Variants in ANXA8 observed in about 807,000 individuals in gnomAD.
The protein encoded by ANXA8 is annexin A8.
ANXA8 carries 9 observed loss-of-function variants against 26.8 expected under a neutral mutation model. That is an observed-to-expected ratio of 0.34 (90% CI 0.20 to 0.59). The LOEUF (loss-of-function observed/expected upper bound fraction) is 0.59. ANXA8 is among the 20% of genes least tolerant of loss of function. The probability of loss-of-function intolerance (pLI) is 0.84; values close to 1 mark genes in which losing one functional copy is unlikely to be tolerated. For synonymous variants in ANXA8, 39 were observed against 94.8 expected (o/e 0.41, Z 3.42); for missense variants, 83 against 238.5 (o/e 0.35, Z 4.29).
At chr10:47,590,238 G>A in the ANXA8 span, 4 of 146,582 alleles carry the variant, frequency 2.7e-5, no homozygotes, top group Middle Eastern at 3.4e-3. Flanking sequence ...CAAGGGTGAA[G>A]TGCCAATCCT....
the ANXA8 span, among the ~76,000 whole-genome samples, chr10:47,704,689 A>T: frequency 1.5e-4 from 23 of 152,074 alleles, 1 homozygote; most frequent in Admixed American, 1.5e-3. Context: ...TTAGCAAAGT[A>T]GCTGGATATA....
At chr10:47,510,816 T>A in the ANXA8 span, among the ~76,000 whole-genome samples, 3 of 75,658 alleles carry the variant, frequency 4.0e-5, no homozygotes, top group African/African-American at 1.4e-4. Flanking sequence ...GGAGACAAAG[T>A]GAGACTCCGT....
chr10:47,490,625 C>G, the ANXA8 span, among the ~76,000 whole-genome samples: 8 of 150,402 alleles, frequency 5.3e-5, no homozygotes, highest in Non-Finnish European at 7.4e-5. Context: ...GCAAGCCCTG[C>G]CTCAGCTTTT....
the ANXA8 span, among the ~76,000 whole-genome samples, chr10:47,621,830 G>T: frequency 1.9e-5 from 2 of 104,588 alleles, 1 homozygote; most frequent in Admixed American, 2.1e-4. Context: ...AAGTTTACAT[G>T]CACGTGTTTA....
the ANXA8 span, among the ~76,000 whole-genome samples, chr10:47,626,280 T>C: frequency 6.7e-6 from 1 of 150,178 alleles, no homozygotes; most frequent in Non-Finnish European, 1.5e-5. Context: ...ATCAAGTAAA[T>C]TGTAAAAGGA....
the ANXA8 span, among the ~76,000 whole-genome samples, chr10:47,530,732 A>G: frequency 7.4e-6 from 1 of 134,362 alleles, no homozygotes; most frequent in Non-Finnish European, 1.6e-5. Flanking sequence ...TAAACAACAC[A>G]TCTCAAGTAC....
the ANXA8 span, among the ~76,000 whole-genome samples, chr10:47,918,370 AGAGAGAGAG>A: frequency 0.033 from 653 of 20,044 alleles, 3 homozygotes; most frequent in African/African-American, 0.062. Flanking sequence ...AGAGAGAGAG[AGAGAGAGAG>A]AGAGAGAAAG....
chr10:47,474,319 G>A lies in ANXA8; in HGVS notation c.632C>T (p.Thr211Ile). ...FITILCTRSA[T>I]HLLRVFEEYE... ...CTCCCTGGTACCTCTCAGCAGGTGA[G>A]TGGCACTGCGCGTGCACAGGATGGT... Residue 211 changes from threonine to isoleucine, a missense_variant, in exon 8 of 12, where the codon ACT becomes ATT. By Grantham distance (89) the Thr-to-Ile change is moderately conservative (BLOSUM62 -1). Transcript: ENST00000585281. 1 of 1,559,008 alleles carries A rather than the reference G, an allele frequency of 6.4e-7. No homozygotes were observed. Among genetic ancestry groups the A allele is most frequent in the Non-Finnish European group, 8.7e-7 (1 of 1,152,146 alleles).
At chr10:47,980,277 A>G in the ANXA8 span, among the ~76,000 whole-genome samples, 4 of 151,746 alleles carry the variant, frequency 2.6e-5, no homozygotes, top group Middle Eastern at 3.2e-3. Context: ...AGTCAAAGCA[A>G]TACTTAGGGA....
At chr10:47,664,902 T>A in the ANXA8 span, among the ~76,000 whole-genome samples, 3,602 of 139,496 alleles carry the variant, frequency 0.026, 6 homozygotes, top group African/African-American at 0.044. Flanking sequence ...ATTTTTAAAT[T>A]TTTTTGTAGG....
chr10:47,675,628 T>C, the ANXA8 span, among the ~76,000 whole-genome samples: 1 of 151,644 alleles, frequency 6.6e-6, no homozygotes, highest in Admixed American at 6.6e-5. Context: ...AACAGAAAAA[T>C]TGTCATGTCT....
chr10:47,748,082 G>A, the ANXA8 span, among the ~76,000 whole-genome samples: 2 of 152,158 alleles, frequency 1.3e-5, no homozygotes, highest in Non-Finnish European at 2.9e-5. Flanking sequence ...TCTTAGAAGG[G>A]AGGAAGATGG....
the ANXA8 span, among the ~76,000 whole-genome samples, chr10:47,566,428 A>G: frequency 5.5e-4 from 84 of 151,376 alleles, no homozygotes; most frequent in Non-Finnish European, 5.9e-5. Context: ...GAGCCGCAGA[A>G]ACCCCCTTCT....
chr10:47,522,031 C>G, the ANXA8 span, among the ~76,000 whole-genome samples: 80 of 150,946 alleles, frequency 5.3e-4, 1 homozygote, highest in African/African-American at 1.9e-3. Flanking sequence ...AGGTGATCCG[C>G]CTGCCACAGC....
the ANXA8 span, among the ~76,000 whole-genome samples, chr10:47,575,198 C>CAAAAAAAAAA: frequency 7.5e-5 from 8 of 107,280 alleles, no homozygotes; most frequent in African/African-American, 1.9e-4. Flanking sequence ...GAGTGAAACT[C>CAAAAAAAAAA]AAAAAAAAAA....
the ANXA8 span, chr10:47,549,533 A>C: frequency 3.5e-6 from 2 of 574,012 alleles, no homozygotes; most frequent in African/African-American, 3.8e-5. Flanking sequence ...ATAGGCAAAA[A>C]CTGGTAAAAT....
the ANXA8 span, among the ~76,000 whole-genome samples, chr10:47,544,202 A>C: frequency 2.6e-5 from 4 of 151,498 alleles, no homozygotes; most frequent in Non-Finnish European, 5.9e-5. Context: ...TAAACATCTC[A>C]TAATTAATTT....
chr10:47,575,250 G>A, the ANXA8 span, among the ~76,000 whole-genome samples: 7 of 132,156 alleles, frequency 5.3e-5, no homozygotes, highest in Non-Finnish European at 8.1e-5. Flanking sequence ...AAAGAAGGAA[G>A]GAAGGAAAGA....
chr10:47,681,523 C>CTTTTTTTTTTTTTTT, the ANXA8 span, among the ~76,000 whole-genome samples: 12 of 81,264 alleles, frequency 1.5e-4, no homozygotes, highest in Non-Finnish European at 2.4e-4. Context: ...TTTATTTTTA[C>CTTTTTTTTTTTTTTT]TTTTTTTTTT....
Sources: allele counts gnomAD v4.1 joint callset (sites outside exome capture counted in the v4.1 genomes callset), GRCh38; gene constraint gnomAD v4.1.1; transcripts MANE v1.5; gene names NCBI Gene and HGNC (gene_info 2026-07-23, HGNC 2026-07-21).